The following MAD1L1 variants were observed in gnomAD, a reference collection of about 807,000 sequenced individuals.
The protein encoded by MAD1L1 is mitotic arrest deficient 1 like 1.
In MAD1L1, 95 loss-of-function variants were observed where a neutral mutation model predicts 96.9. The observed-to-expected ratio is 0.98, with a 90% CI of 0.83 to 1.16. The LOEUF is 1.16. MAD1L1 is among the 50% of genes most tolerant of loss of function. The probability of loss-of-function intolerance (pLI) is 0.00; values close to 1 mark genes in which losing one functional copy is unlikely to be tolerated. For synonymous variants in MAD1L1, 473 were observed against 396.6 expected, an observed-to-expected ratio of 1.19 and a Z score of -2.29; for missense variants, 1,007 against 954.4, an observed-to-expected ratio of 1.06 and a Z score of -0.73.
At chr7:1,981,068 G>A (rs1780882286) in intron 14 of MAD1L1, among the ~76,000 whole-genome samples, 1 of 152,196 alleles carries the variant, frequency 6.6e-6, no homozygotes, top group Non-Finnish European at 1.5e-5. Flanking sequence ...GCAGGTTCAA[G>A]TGATTCTTCT....
chr7:1,980,426 T>C (rs1482401328), intron 15 of MAD1L1, 27 bp downstream of exon 15: 2 of 1,596,516 alleles, frequency 1.3e-6, no homozygotes, highest in South Asian at 2.3e-5. Context: ...CACCTGGGCG[T>C]GTCCGCCTCC....
chr7:2,037,652 G>A (rs1194431825), intron 12 of MAD1L1, among the ~76,000 whole-genome samples: 3 of 152,058 alleles, frequency 2.0e-5, no homozygotes, highest in African/African-American at 7.2e-5. Flanking sequence ...TGTGATCGGC[G>A]GTCTCCGATC....
chr7:2,201,888 A>G (rs1792324293), intron 10 of MAD1L1: 1 of 152,316 alleles, frequency 6.6e-6, no homozygotes, highest in Non-Finnish European at 1.5e-5. Context: ...GCCTGTCAGC[A>G]CTGCTGGGAA....
At chr7:2,121,979 G>T (rs1435341707) in intron 11 of MAD1L1, among the ~76,000 whole-genome samples, 1 of 152,182 alleles carries the variant, frequency 6.6e-6, no homozygotes, top group African/African-American at 2.4e-5. Flanking sequence ...AAGACACTGG[G>T]GAAAAGACCC....
chr7:1,821,240 C>A (rs540111186), intron 18 of MAD1L1, among the ~76,000 whole-genome samples: 1 of 152,074 alleles, frequency 6.6e-6, no homozygotes, highest in Non-Finnish European at 1.5e-5. Flanking sequence ...AAACCACATA[C>A]TACCAAAACG....
chr7:2,219,206 G>T, intron 6 of MAD1L1, 126 bp downstream of exon 6: 1 of 917,500 alleles, frequency 1.1e-6, no homozygotes, highest in Non-Finnish European at 1.6e-6. Flanking sequence ...TGCCCCTCTT[G>T]AGTGTCTGTG....
At chr7:1,906,893 T>C (rs73048145) in intron 17 of MAD1L1, among the ~76,000 whole-genome samples, 4,892 of 152,318 alleles carry the variant, frequency 0.032, 184 homozygotes, top group Admixed American at 0.096. Context: ...AACGTCCGTT[T>C]ATCCCCGAAC....
chr7:2,181,613 T>C (rs917882215), intron 10 of MAD1L1, among the ~76,000 whole-genome samples: 22 of 152,164 alleles, frequency 1.4e-4, no homozygotes, highest in African/African-American at 5.3e-4. Flanking sequence ...GTACAATCAC[T>C]ACAGAAAACA....
intron 18 of MAD1L1, among the ~76,000 whole-genome samples, chr7:1,827,501 C>T (rs557523663): frequency 3.1e-4 from 44 of 140,708 alleles, no homozygotes; most frequent in African/African-American, 1.1e-3. Flanking sequence ...GAGCCCGTCC[C>T]GGGTGTGGGG....
chr7:1,853,047 G>T (rs1202878877), intron 18 of MAD1L1, among the ~76,000 whole-genome samples: 1 of 152,240 alleles, frequency 6.6e-6, no homozygotes, highest in Non-Finnish European at 1.5e-5. Flanking sequence ...TCCCAGTGTG[G>T]AGTGGGAGCT....
At chr7:2,154,988 AG>A (rs534352537) in intron 10 of MAD1L1, among the ~76,000 whole-genome samples, 78 of 152,338 alleles carry the variant, frequency 5.1e-4, no homozygotes, top group African/African-American at 1.9e-3. Context: ...GGAGGAGCCC[AG>A]GAGGCTCTGG....
chr7:2,011,335 G>A (rs1394057343), intron 13 of MAD1L1, among the ~76,000 whole-genome samples: 2 of 152,180 alleles, frequency 1.3e-5, no homozygotes, highest in African/African-American at 4.8e-5. Context: ...GTGCAGCCGC[G>A]CCCCAACCTT....
intron 12 of MAD1L1, among the ~76,000 whole-genome samples, chr7:2,017,931 G>A (rs2128499744): frequency 6.6e-6 from 1 of 152,310 alleles, no homozygotes; most frequent in South Asian, 2.1e-4. Flanking sequence ...GGCTTGGGAA[G>A]GGCAGGGGAG....
rs1045133187 is a variant in MAD1L1, at chr7:1,882,749, C to T, written c.1998+15451G>A. 5.9e-5 allele frequency among the ~76,000 whole-genome samples: 9 copies of T among 152,310 alleles called. No individual in the cohort carries two copies. The East Asian group carries it at 1.5e-3, about 26-fold the overall frequency. ...ACAGGCCCGCTGCATGGCCCCTCGC[C>T]CCCCTTCCCACCGCTGGGGTCCACA... On this transcript the variant is annotated intron_variant, in intron 18 of 18. Coordinates refer to ENST00000265854, the MANE Select transcript of MAD1L1 (RefSeq NM_001013836.2).
chr7:2,056,502 G>A (rs901261111), intron 12 of MAD1L1, among the ~76,000 whole-genome samples: 1 of 152,190 alleles, frequency 6.6e-6, no homozygotes, highest in Non-Finnish European at 1.5e-5. Flanking sequence ...TGGGGCAGAG[G>A]AAGAAACCAC....
chr7:2,049,508 T>C (rs1784071892), intron 12 of MAD1L1, among the ~76,000 whole-genome samples: 1 of 152,122 alleles, frequency 6.6e-6, no homozygotes, highest in African/African-American at 2.4e-5. Flanking sequence ...GAAATTTAGT[T>C]TAAACACACA....
chr7:2,177,890 C>A (rs760088173), intron 10 of MAD1L1, among the ~76,000 whole-genome samples: 1 of 152,214 alleles, frequency 6.6e-6, no homozygotes, highest in Non-Finnish European at 1.5e-5. Flanking sequence ...ATGACTGACA[C>A]CTGTGGGGAC....
At chr7:2,155,623 A>G (rs935598814) in intron 10 of MAD1L1, among the ~76,000 whole-genome samples, 1 of 152,186 alleles carries the variant, frequency 6.6e-6, no homozygotes, top group Non-Finnish European at 1.5e-5. Context: ...TCCATGTTAC[A>G]GCATGTGGCA....
At chr7:2,026,600 T>A (rs1462724264) in intron 12 of MAD1L1, among the ~76,000 whole-genome samples, 1 of 152,158 alleles carries the variant, frequency 6.6e-6, no homozygotes, top group East Asian at 1.9e-4. Context: ...GAGGATAGTC[T>A]CTGAGCACAG....
Sources: allele counts gnomAD v4.1 joint callset (sites outside exome capture counted in the v4.1 genomes callset), GRCh38; gene constraint gnomAD v4.1.1; transcripts MANE v1.5; gene names NCBI Gene and HGNC (gene_info 2026-07-23, HGNC 2026-07-21).